ACOT11: variants seen among roughly 807,000 people sequenced by gnomAD.
ACOT11 encodes acyl-coenzyme A thioesterase 11.
In ACOT11, 69 loss-of-function variants were observed where a neutral mutation model predicts 77.5. That is an observed-to-expected ratio of 0.89 (90% CI 0.73 to 1.09). The LOEUF (loss-of-function observed/expected upper bound fraction) is 1.09. Ranked by LOEUF, ACOT11 falls within the 50% of genes least tolerant of loss-of-function variation. The pLI, the probability that ACOT11 is intolerant of heterozygous loss-of-function variation, is 0.00. For synonymous variants in ACOT11, 279 were observed against 313.0 expected (o/e 0.89, Z 1.15); for missense variants, 766 against 813.7 (o/e 0.94, Z 0.71).
intron 3 of ACOT11, among the ~76,000 whole-genome samples, chr1:54,591,957 TC>T (rs1384391013): frequency 6.6e-6 from 1 of 152,252 alleles, no homozygotes; most frequent in African/African-American, 2.4e-5. Context: ...CCTTTTCTCA[TC>T]TTGCCCTTTG....
At chr1:54,582,218 T>G (rs1461717981) in intron 1 of ACOT11, among the ~76,000 whole-genome samples, 1 of 152,144 alleles carries the variant, frequency 6.6e-6, no homozygotes, top group Non-Finnish European at 1.5e-5. Context: ...CAGGGGTACT[T>G]TAGGGACTGG....
At chr1:54,601,163 G>A (rs1014978446) in intron 8 of ACOT11, 106 bp from the exon 9 acceptor site, 6 of 1,367,544 alleles carry the variant, frequency 4.4e-6, no homozygotes, top group South Asian at 2.6e-5. Flanking sequence ...GCATGCATGT[G>A]TGTGGGCGCA....
At chr1:54,553,592 CAT>C (rs1389095929) in intron 1 of ACOT11, among the ~76,000 whole-genome samples, 5 of 152,038 alleles carry the variant, frequency 3.3e-5, no homozygotes, top group Non-Finnish European at 7.4e-5. Flanking sequence ...CATTACCTCA[CAT>C]AGTTTTCATT....
At chr1:54,549,219 G>T (rs1376382603) in intron 1 of ACOT11, among the ~76,000 whole-genome samples, 1 of 152,090 alleles carries the variant, frequency 6.6e-6, no homozygotes, top group East Asian at 1.9e-4. Flanking sequence ...ACACTGGAGG[G>T]ATGCTTCTAA....
chr1:54,563,183 C>T (rs1012161937), intron 1 of ACOT11, among the ~76,000 whole-genome samples: 5 of 152,224 alleles, frequency 3.3e-5, no homozygotes, highest in African/African-American at 4.8e-5. Context: ...GATGGGGTTT[C>T]GCCATGTTGC....
intron 3 of ACOT11, among the ~76,000 whole-genome samples, chr1:54,588,544 G>A (rs980400177): frequency 6.6e-6 from 1 of 152,130 alleles, no homozygotes; most frequent in African/African-American, 2.4e-5. Flanking sequence ...CTTAACCAAT[G>A]GGCTGTATTT....
At chr1:54,630,072 T>C (rs971658877) in intron 15 of ACOT11, among the ~76,000 whole-genome samples, 1 of 133,168 alleles carries the variant, frequency 7.5e-6, no homozygotes, top group African/African-American at 2.5e-5. Flanking sequence ...GCTATTTTTT[T>C]GTATTTTTAG....
chr1:54,597,441 C>A (rs763723890), intron 7 of ACOT11, 26 bp downstream of exon 7: 2 of 1,584,474 alleles, frequency 1.3e-6, no homozygotes, highest in Non-Finnish European at 1.7e-6. Context: ...GCTGCCTCTG[C>A]CTCCCCTCCT....
chr1:54,606,853 C>T (rs777001337), intron 13 of ACOT11, among the ~76,000 whole-genome samples: 6 of 152,236 alleles, frequency 3.9e-5, no homozygotes, highest in Non-Finnish European at 5.9e-5. Context: ...CATATGACCA[C>T]ATGTGTGCAT....
At chr1:54,594,426 C>T (rs1654822837) in intron 5 of ACOT11, 130 bp from the exon 6 acceptor site, 1 of 1,257,976 alleles carries the variant, frequency 7.9e-7, no homozygotes, top group Non-Finnish European at 1.1e-6. Context: ...GGGAGGAAGC[C>T]TTGGAACTGA....
At chr1:54,614,092 T>A (rs1644146102), downstream of ACOT11, among the ~76,000 whole-genome samples, 2 of 152,232 alleles carry the variant, frequency 1.3e-5, no homozygotes, top group African/African-American at 2.4e-5. Flanking sequence ...TCCACTATTG[T>A]CAGCTTTATC....
At chr1:54,562,004 C>T (rs1653518572) in intron 1 of ACOT11, among the ~76,000 whole-genome samples, 1 of 79,512 alleles carries the variant, frequency 1.3e-5, no homozygotes, top group Non-Finnish European at 2.4e-5. Flanking sequence ...AGAGGCGCCC[C>T]TCACCTCCCA....
intron 15 of ACOT11, among the ~76,000 whole-genome samples, chr1:54,625,620 T>G (rs1644267164): frequency 1.3e-5 from 2 of 152,066 alleles, no homozygotes; most frequent in South Asian, 4.2e-4. Context: ...AAATTTCTGT[T>G]TAAGAGTTGG....
intron 10 of ACOT11, among the ~76,000 whole-genome samples, chr1:54,603,174 T>C (rs1447836934): frequency 6.6e-6 from 1 of 152,170 alleles, no homozygotes; most frequent in Non-Finnish European, 1.5e-5. Context: ...CCGTCTCTAC[T>C]AAAAATACAA....
At chr1:54,619,892 G>A in intron 15 of ACOT11, 3 of 1,614,110 alleles carry the variant, frequency 1.9e-6, no homozygotes, top group Non-Finnish European at 2.5e-6. Flanking sequence ...TGGCTTTCTT[G>A]CTGTTGGCTG....
chr1:54,585,738 T>C (rs968413542), intron 2 of ACOT11, 97 bp from the exon 3 acceptor site: 37 of 1,271,632 alleles, frequency 2.9e-5, no homozygotes, highest in Non-Finnish European at 3.8e-5. Context: ...GGCCTTGGCT[T>C]GGGCGGCTGG....
At chr1:54,574,588 G>T (rs1416813813) in intron 1 of ACOT11, among the ~76,000 whole-genome samples, 1 of 152,202 alleles carries the variant, frequency 6.6e-6, no homozygotes, top group Admixed American at 6.5e-5. Flanking sequence ...TTTTACAGAT[G>T]AGGAAACCGG....
intron 15 of ACOT11, among the ~76,000 whole-genome samples, chr1:54,615,757 T>C (rs1644166396): frequency 6.6e-6 from 1 of 152,204 alleles, no homozygotes; most frequent in Non-Finnish European, 1.5e-5. Context: ...ACTCTGAGCA[T>C]GCGCGGCACT....
chr1:54,600,714 A>G (rs746011860), intron 8 of ACOT11, among the ~76,000 whole-genome samples: 4 of 152,316 alleles, frequency 2.6e-5, no homozygotes, highest in Admixed American at 6.5e-5. Context: ...AAATAAAGAC[A>G]GTAAGATACA....
Sources: gnomAD v4.1 joint callset for allele counts (sites outside exome capture counted in the v4.1 genomes callset) on GRCh38, gnomAD v4.1.1 for gene constraint, MANE v1.5 for transcripts, NCBI Gene and HGNC (gene_info 2026-07-23, HGNC 2026-07-21) for gene names.